HIVEP1: variants seen among roughly 807,000 people sequenced by gnomAD.
The protein encoded by HIVEP1 is HIVEP zinc finger 1.
A neutral mutation model predicts 180.0 loss-of-function variants in HIVEP1; 36 were observed. The ratio of observed to expected loss-of-function variants is 0.20; its 90% CI spans 0.15 to 0.26. The LOEUF (loss-of-function observed/expected upper bound fraction) is 0.26. HIVEP1 is among the 10% of genes least tolerant of loss of function. The pLI is 1.00. For synonymous variants in HIVEP1, 1,239 were observed against 1,239.0 expected, an observed-to-expected ratio of 1.00 and a Z score of 0.00; for missense variants, 3,143 against 3,268.7, an observed-to-expected ratio of 0.96 and a Z score of 0.94.
chr6:12,134,121 A>G (rs1206517810), intron 6 of HIVEP1, among the ~76,000 whole-genome samples: 1 of 152,226 alleles, frequency 6.6e-6, no homozygotes. Context: ...TAATTTCTTA[A>G]TGTGAAAACT....
chr6:12,200,422 G>C, the HIVEP1 span, among the ~76,000 whole-genome samples: 46 of 152,210 alleles, frequency 3.0e-4, no homozygotes, highest in Admixed American at 4.6e-4. Context: ...CTGTAACACT[G>C]CTGCTTCAAT....
chr6:12,209,603 A>T, the HIVEP1 span, among the ~76,000 whole-genome samples: 1 of 152,226 alleles, frequency 6.6e-6, no homozygotes, highest in Non-Finnish European at 1.5e-5. Flanking sequence ...AGTACAGGAC[A>T]TGTAGTAGGA....
downstream of HIVEP1, among the ~76,000 whole-genome samples, chr6:12,167,836 CAT>C (rs1210270727): frequency 2.8e-5 from 4 of 143,660 alleles, no homozygotes; most frequent in East Asian, 2.0e-4. Context: ...AATATGTACA[CAT>C]GTACATGTAT....
chr6:12,207,835 A>G, the HIVEP1 span, among the ~76,000 whole-genome samples: 3 of 149,466 alleles, frequency 2.0e-5, no homozygotes, highest in Admixed American at 6.8e-5. Flanking sequence ...GGATTGTTTG[A>G]GCCCCAGGGG....
intron 3 of HIVEP1, among the ~76,000 whole-genome samples, chr6:12,112,952 G>A (rs1774997623): frequency 6.6e-6 from 1 of 152,036 alleles, no homozygotes; most frequent in African/African-American, 2.4e-5. Flanking sequence ...TCCCTGTGGT[G>A]ACATCTGCTG....
At chr6:12,204,349 T>C in the HIVEP1 span, among the ~76,000 whole-genome samples, 1 of 4,682 alleles carries the variant, frequency 2.1e-4, no homozygotes, top group East Asian at 0.024. Context: ...ATAGCAGGTG[T>C]TCAAGCTTCC....
chr6:12,111,529 A>G (rs1774891535), intron 3 of HIVEP1, among the ~76,000 whole-genome samples: 1 of 152,238 alleles, frequency 6.6e-6, no homozygotes, highest in Non-Finnish European at 1.5e-5. Flanking sequence ...TACTGGCAGA[A>G]TTTAGTCCTG....
Position 12,015,577 on chromosome 6 carries a change from T to G in HIVEP1, c.-52T>G. ...GTTTATGGAGCTGCCTTTTGGTGGC[T>G]TGCTTTATCTGCAGTTTTTAAGAAG... On this transcript the variant is annotated 5_prime_UTR_variant, in exon 2 of 9. Coordinates refer to ENST00000379388, the MANE Select transcript of HIVEP1 (RefSeq NM_002114.4). 6.6e-7 allele frequency: 1 copy of G among 1,515,882 alleles called. No individual in the cohort carries two copies. Among genetic ancestry groups the G allele is most frequent in the Non-Finnish European group, 9.1e-7 (1 of 1,097,108 alleles). The allele number at this position is 1,515,882 out of a possible 1,614,324, so 93.9% of individuals were successfully genotyped here. A position where few individuals can be genotyped will look rare whatever the true frequency, so the allele number is the denominator to read the frequency against.
At chr6:12,156,951 T>C (rs996207023) in intron 7 of HIVEP1, among the ~76,000 whole-genome samples, 1 of 152,212 alleles carries the variant, frequency 6.6e-6, no homozygotes, top group African/African-American at 2.4e-5. Flanking sequence ...TCTTCAGCTC[T>C]GATTATGGAT....
chr6:12,163,542 A>G lies in HIVEP1; in HGVS notation c.7238A>G (p.Tyr2413Cys). 6.2e-7 allele frequency: 1 copy of G among 1,613,982 alleles called. No homozygotes were observed. The highest frequency in any genetic ancestry group is 8.5e-7 in the Non-Finnish European group (1 of 1,179,988). ...GIHVVPAGLT[Y>C]STFVPLQAGP... Reference sequence around the variant, plus strand: ...CATGTGGTACCTGCTGGCCTCACATACTCCACGTTTGTGCCCCTTCAGGCT... The same window carrying G: ...CATGTGGTACCTGCTGGCCTCACATGCTCCACGTTTGTGCCCCTTCAGGCT... The change falls in exon 9 of 9, where the codon TAC (tyrosine) becomes TGC (cysteine). Residue 2413 changes from tyrosine to cysteine, a missense_variant. This residue lies in a region of HIVEP1 where 595 missense variants were observed against 602.2 expected (regional missense o/e 0.99). Transcript: ENST00000379388.
chr6:12,095,893 A>G (rs1234567568), intron 3 of HIVEP1, among the ~76,000 whole-genome samples: 1 of 151,996 alleles, frequency 6.6e-6, no homozygotes, highest in Non-Finnish European at 1.5e-5. Flanking sequence ...TTTCTGGTAC[A>G]GTTTTATTTC....
chr6:12,104,335 T>C (rs867343065), intron 3 of HIVEP1, among the ~76,000 whole-genome samples: 1 of 151,942 alleles, frequency 6.6e-6, no homozygotes, highest in African/African-American at 2.4e-5. Context: ...CCTAATACTT[T>C]ATTCTGTGTT....
At chr6:12,101,302 C>G (rs905530262) in intron 3 of HIVEP1, among the ~76,000 whole-genome samples, 11 of 152,108 alleles carry the variant, frequency 7.2e-5, no homozygotes, top group Admixed American at 2.0e-4. Context: ...TAAGTATATA[C>G]TTGGTTTTCT....
chr6:12,075,871 GA>G (rs1409945010), intron 2 of HIVEP1, among the ~76,000 whole-genome samples: 1 of 152,140 alleles, frequency 6.6e-6, no homozygotes, highest in Non-Finnish European at 1.5e-5. Flanking sequence ...CAAAAATAAA[GA>G]AGAGTAATTT....
chr6:12,088,600 C>T lies in HIVEP1; in HGVS notation c.41-584C>T, dbSNP rs548740834. 1.9e-4 allele frequency among the ~76,000 whole-genome samples: 29 copies of T among 152,224 alleles called. No individual in the cohort carries two copies. The South Asian group carries it at 5.8e-3, about 30-fold the overall frequency. ...TACATCTGTCTGACAAAACTGTGCA[C>T]ATGTGTAGCAGTTCTGCAGTGAGTT... On this transcript the variant is annotated intron_variant, in intron 2 of 8. Transcript: ENST00000379388.
intron 7 of HIVEP1, among the ~76,000 whole-genome samples, chr6:12,139,647 T>C (rs1327997593): frequency 6.6e-6 from 1 of 152,250 alleles, no homozygotes; most frequent in Non-Finnish European, 1.5e-5. Flanking sequence ...ACTGCACTTT[T>C]CCAACAGTCT....
intron 2 of HIVEP1, among the ~76,000 whole-genome samples, chr6:12,086,287 G>A (rs138253558): frequency 2.5e-3 from 377 of 152,200 alleles, no homozygotes; most frequent in Non-Finnish European, 4.6e-3. Context: ...AATGAATTAA[G>A]ATTACATGTT....
the HIVEP1 span, among the ~76,000 whole-genome samples, chr6:12,179,470 G>A: frequency 2.6e-5 from 4 of 152,158 alleles, no homozygotes; most frequent in Non-Finnish European, 5.9e-5. Flanking sequence ...ATAAAGAGAC[G>A]GATAGCTCAA....
the HIVEP1 span, among the ~76,000 whole-genome samples, chr6:12,179,119 T>A: frequency 1.3e-5 from 2 of 152,210 alleles, no homozygotes; most frequent in African/African-American, 4.8e-5. Context: ...CACATAGCTC[T>A]GGACGTCCCT....
Sources: allele counts gnomAD v4.1 joint callset (sites outside exome capture counted in the v4.1 genomes callset), GRCh38; gene constraint gnomAD v4.1.1; regional missense constraint gnomAD v4.1.1; transcripts MANE v1.5; gene names NCBI Gene and HGNC (gene_info 2026-07-23, HGNC 2026-07-21).